The following STAB2 variants were observed in gnomAD, a reference collection of about 807,000 sequenced individuals.
STAB2 encodes stabilin 2, also known as stabilin-2.
A neutral mutation model predicts 338.1 loss-of-function variants in STAB2; 288 were observed. That is an observed-to-expected ratio of 0.85 (90% CI 0.77 to 0.94). The LOEUF is 0.94. Among genes scored for constraint, STAB2 ranks in the 40% least tolerant of loss-of-function variants. The pLI, the probability that STAB2 is intolerant of heterozygous loss-of-function variation, is 0.00. For synonymous variants in STAB2, 1,202 were observed against 1,193.3 expected, an observed-to-expected ratio of 1.01 and a Z score of -0.15; for missense variants, 3,141 against 3,210.1, an observed-to-expected ratio of 0.98 and a Z score of 0.52.
intron 3 of STAB2, among the ~76,000 whole-genome samples, chr12:103,602,939 A>G (rs1336465897): frequency 6.6e-6 from 1 of 152,152 alleles, no homozygotes. Flanking sequence ...TGCTTCTTGT[A>G]TCATATCTAG....
intron 59 of STAB2, among the ~76,000 whole-genome samples, chr12:103,749,789 G>A (rs887891245): frequency 4.5e-5 from 6 of 134,372 alleles, no homozygotes; most frequent in East Asian, 4.8e-4. Context: ...GCAGTGAGCC[G>A]AGATCGTGCC....
chr12:103,735,440 C>T (rs750466986), intron 51 of STAB2, 51 bp from the exon 52 acceptor site: 4 of 1,419,420 alleles, frequency 2.8e-6, no homozygotes, highest in Non-Finnish European at 3.8e-6. Flanking sequence ...TCGGGCCGTC[C>T]CTTCTTCGGC....
intron 6 of STAB2, among the ~76,000 whole-genome samples, chr12:103,633,193 G>A (rs1446414229): frequency 6.6e-6 from 1 of 152,188 alleles, no homozygotes; most frequent in African/African-American, 2.4e-5. Context: ...TTCTCAGTAA[G>A]GCAGGAGACC....
rs192298060 is a variant in STAB2 at position 103,761,157 on chromosome 12, G to A, written c.7249-143G>A. On this transcript the variant is annotated intron_variant, in intron 65 of 68. Transcript: ENST00000388887. Reference sequence around the variant, plus strand: ...ATGTGTTCTGGGCTGTCCAGAGGGTGAGGAGAAGTCCTGGGCTGCCTATCA... The same window carrying A: ...ATGTGTTCTGGGCTGTCCAGAGGGTAAGGAGAAGTCCTGGGCTGCCTATCA... 4.7e-4 allele frequency: 325 copies of A among 684,498 alleles called. 1 individual carries two copies. Among genetic ancestry groups the A allele is most frequent in the African/African-American group, 1.6e-3 (92 of 56,604 alleles). The allele number at this position is 684,498 out of a possible 1,614,324, so 42.4% of individuals were successfully genotyped here.
chr12:103,744,407 C>A (rs907379370), intron 56 of STAB2, among the ~76,000 whole-genome samples: 15 of 151,794 alleles, frequency 9.9e-5, no homozygotes, highest in Non-Finnish European at 1.9e-4. Context: ...CTGCTTCAGC[C>A]TCCCAAAGCA....
chr12:103,713,875 G>A lies in STAB2; in HGVS notation c.4537+107G>A, dbSNP rs1025201798. On this transcript the variant is annotated intron_variant, in intron 42 of 68. Transcript: ENST00000388887. ...TTATCAGGACACAAAACTGAGGTCA[G>A]TATTCCATTTGCCAGGGCAGGAAAG... 1.8e-5 allele frequency: 27 copies of A among 1,524,526 alleles called. No individual in the cohort carries two copies. The African/African-American group carries it at 2.9e-4, about 16-fold the overall frequency. 94.4% of individuals were successfully genotyped at this position (1,524,526 alleles called of 1,614,324 possible). A position where few individuals can be genotyped will look rare whatever the true frequency, so the allele number is the denominator to read the frequency against.
chr12:103,673,012 G>T (rs1426546475), intron 22 of STAB2, among the ~76,000 whole-genome samples: 1 of 152,072 alleles, frequency 6.6e-6, no homozygotes, highest in Non-Finnish European at 1.5e-5. Flanking sequence ...CTACCTTCTG[G>T]GCCTGGTGAC....
intron 18 of STAB2, among the ~76,000 whole-genome samples, chr12:103,664,601 A>G (rs989911559): frequency 6.6e-6 from 1 of 152,238 alleles, no homozygotes; most frequent in African/African-American, 2.4e-5. Context: ...TTGCTCTGAC[A>G]ATATCCTTGG....
intron 17 of STAB2, among the ~76,000 whole-genome samples, chr12:103,661,764 A>G (rs1165981937): frequency 6.6e-6 from 1 of 152,180 alleles, no homozygotes; most frequent in African/African-American, 2.4e-5. Flanking sequence ...GGGAACAGCA[A>G]GGGTGAAAAG....
At chr12:103,587,669 A>G in intron 1 of STAB2, 112 bp downstream of exon 1, 1 of 844,840 alleles carries the variant, frequency 1.2e-6, no homozygotes, top group Non-Finnish European at 1.8e-6. Flanking sequence ...ACTTTATAAA[A>G]TACAGAGAAT....
chr12:103,676,176 C>T (rs1481252949), intron 24 of STAB2, among the ~76,000 whole-genome samples, 155 bp downstream of exon 24: 1 of 150,992 alleles, frequency 6.6e-6, no homozygotes, highest in Non-Finnish European at 1.5e-5. Flanking sequence ...ATTCTCCTGC[C>T]TCAGCCTCCC....
intron 19 of STAB2, among the ~76,000 whole-genome samples, chr12:103,667,815 T>G (rs954195634): frequency 1.3e-5 from 2 of 152,218 alleles, no homozygotes; most frequent in African/African-American, 2.4e-5. Context: ...AAACAAAATT[T>G]GAACCAGAGA....
rs775057033 is a variant in STAB2 at position 103,690,469 on chromosome 12, C to G, written c.3228C>G (p.Thr1076=). ...CATACAGAGTGGCAGATCTGCAGAC[C>G]CTGTCTTCTTCTGACATGTTGGCAA... ...LGTYRVADLQ[T]LSSSDMLATS... is the part of the protein sequence containing the mutation. Residue 1076 remains threonine, a synonymous_variant, in exon 30 of 69, where the codon ACC becomes ACG. Coordinates refer to ENST00000388887, the MANE Select transcript of STAB2 (RefSeq NM_017564.10). 1 of 1,614,062 alleles carries G rather than the reference C, an allele frequency of 6.2e-7. No homozygotes were observed. Among genetic ancestry groups the G allele is most frequent in the Admixed American group, 1.7e-5 (1 of 60,018 alleles).
chr12:103,638,922 C>T (rs902182778), intron 8 of STAB2, among the ~76,000 whole-genome samples: 24 of 152,182 alleles, frequency 1.6e-4, no homozygotes, highest in African/African-American at 5.6e-4. Flanking sequence ...CAGTGCCTGA[C>T]CCAAACAGCC....
At chr12:103,688,848 C>T (rs1877667439) in intron 28 of STAB2, among the ~76,000 whole-genome samples, 1 of 152,122 alleles carries the variant, frequency 6.6e-6, no homozygotes, top group Non-Finnish European at 1.5e-5. Flanking sequence ...ATGAGCTGGC[C>T]CAGTGGTGTG....
chr12:103,594,454 G>T lies in STAB2; in HGVS notation c.275G>T (p.Arg92Met), dbSNP rs373572392. Reference protein sequence around the residue: ...LSLPGCRHICRKDYLQPRCCP... With the variant: ...LSLPGCRHICMKDYLQPRCCP... ...CTCCCCGGATGCCGCCATATTTGTAGGAAGGACTATCTCCAACCTCGGTGT... is the reference window on the plus strand; with the variant it reads ...CTCCCCGGATGCCGCCATATTTGTATGAAGGACTATCTCCAACCTCGGTGT... Residue 92 changes from arginine to methionine, a missense_variant, in exon 3 of 69, where the codon AGG becomes ATG. By Grantham distance (91) the Arg-to-Met change is moderately conservative. Coordinates refer to ENST00000388887, the MANE Select transcript of STAB2 (RefSeq NM_017564.10). 1 of 1,613,862 alleles carries T rather than the reference G, an allele frequency of 6.2e-7. No individual in the cohort carries two copies. The highest frequency in any genetic ancestry group is 2.2e-5 in the East Asian group (1 of 44,894).
At chr12:103,622,192 C>A in intron 5 of STAB2, 81 bp downstream of exon 5, 1 of 1,431,398 alleles carries the variant, frequency 7.0e-7, no homozygotes, top group Non-Finnish European at 9.8e-7. Flanking sequence ...GGAGAAAACA[C>A]TGAATAGTTA....
intron 40 of STAB2, 40 bp from the exon 41 acceptor site, chr12:103,712,327 G>C (rs369178568): frequency 1.1e-4 from 163 of 1,502,094 alleles, no homozygotes; most frequent in Non-Finnish European, 1.4e-4. Context: ...GGGAGGTGGA[G>C]TATTTTTCTA....
intron 3 of STAB2, among the ~76,000 whole-genome samples, chr12:103,615,264 G>C (rs1319851944): frequency 2.0e-5 from 3 of 151,268 alleles, no homozygotes. Flanking sequence ...AGAGGAAACA[G>C]GTGTGATGAA....
Sources: gnomAD v4.1 joint callset for allele counts (sites outside exome capture counted in the v4.1 genomes callset) on GRCh38, gnomAD v4.1.1 for gene constraint, MANE v1.5 for transcripts, NCBI Gene and HGNC (gene_info 2026-07-23, HGNC 2026-07-21) for gene names.